The following MSH6 variants were observed in gnomAD, a reference collection of about 807,000 sequenced individuals.
MSH6 encodes the protein DNA mismatch repair protein Msh6.
A neutral mutation model predicts 119.1 loss-of-function variants in MSH6; 85 were observed. The ratio of observed to expected loss-of-function variants is 0.71; its 90% CI spans 0.60 to 0.85. The LOEUF is 0.85. Ranked by LOEUF, MSH6 falls within the 40% of genes least tolerant of loss-of-function variation. MSH6 has a pLI of 0.00. For missense variants in MSH6, 2,163 were observed against 1,655.3 expected, an observed-to-expected ratio of 1.31 and a Z score of -5.32; for synonymous variants, 830 against 586.9, an observed-to-expected ratio of 1.41 and a Z score of -5.99.
At chr2:47,807,973 A>C (rs1424308687), downstream of MSH6, 2 of 716,986 alleles carry the variant, frequency 2.8e-6, no homozygotes, top group Non-Finnish European at 4.6e-6. Context: ...TGGTAGCTTG[A>C]GCTTCATAGT....
At chr2:47,786,482 C>T (rs2103993011) in intron 1 of MSH6, among the ~76,000 whole-genome samples, 1 of 150,202 alleles carries the variant, frequency 6.7e-6, no homozygotes, top group Middle Eastern at 3.4e-3. Flanking sequence ...TTACAGGTGC[C>T]TGCCACCACG....
At chr2:47,804,807 G>GT in intron 5 of MSH6, 103 bp from the exon 6 acceptor site, 4 of 863,344 alleles carry the variant, frequency 4.6e-6, no homozygotes, top group East Asian at 2.4e-5. Context: ...TGTGAAAGTT[G>GT]TTTTAGAGTG....
Position 47,785,960 on chromosome 2 carries a change from A to G in MSH6, c.260+2467A>G, listed in dbSNP as rs3136247. On this transcript the variant is annotated intron_variant, in intron 1 of 9. Coordinates refer to ENST00000234420, the MANE Select transcript of MSH6 (RefSeq NM_000179.3). ...GATGGGCATTTGATACTAGGTTTCT[A>G]AAGAAACTGCAGTGTCTAGATCACT... Among the ~76,000 whole-genome samples the G allele has an allele frequency of 0.14, 21,802 of 152,228 alleles. 1,772 individuals are homozygous for G. The highest frequency in any genetic ancestry group is 0.19 in the Non-Finnish European group (12,614 of 67,994).
Position 47,800,401 on chromosome 2 carries a change from C to T in MSH6, c.2418C>T (p.Ser806=), listed in dbSNP as rs770992427. 2.2e-5 allele frequency: 36 copies of T among 1,613,826 alleles called. 1 individual carries two copies. Among genetic ancestry groups the T allele is most frequent in the African/African-American group, 6.7e-5 (5 of 74,864 alleles). ...EDLMVVPDKI[S]EVVELLKKLP... is the part of the protein sequence containing the mutation. ...TCATGGTTGTGCCTGACAAAATCTCCGAAGTTGTAGAGCTTCTAAAGAAGC... is the reference window on the plus strand; with the variant it reads ...TCATGGTTGTGCCTGACAAAATCTCTGAAGTTGTAGAGCTTCTAAAGAAGC... The change falls in exon 4 of 10, where the codon TCC becomes TCT. Residue 806 remains serine (S), a synonymous_variant. Transcript: ENST00000234420.
chr2:47,806,384 A>C, intron 8 of MSH6, 26 bp downstream of exon 8: 2 of 1,613,476 alleles, frequency 1.2e-6, no homozygotes. Flanking sequence ...TTTTTTCCAC[A>C]AATTCGGTTT....
At chr2:47,805,887 T>C (rs1429020220) in intron 7 of MSH6, among the ~76,000 whole-genome samples, 180 bp downstream of exon 7, 2 of 152,246 alleles carry the variant, frequency 1.3e-5, no homozygotes, top group East Asian at 1.9e-4. Flanking sequence ...TGAAAGGTTT[T>C]TGATTACCCA....
chr2:47,798,033 C>A (rs3136331), intron 3 of MSH6: 1 of 213,358 alleles, frequency 4.7e-6, no homozygotes, highest in East Asian at 1.1e-4. Flanking sequence ...AATCCTTGCC[C>A]TTCTTGTATT....
Position 47,799,300 on chromosome 2 carries a change from T to A in MSH6, c.1317T>A (p.Asp439Glu), listed in dbSNP as rs1572722539. 1 of 1,613,996 alleles carries A rather than the reference T, an allele frequency of 6.2e-7. No individual in the cohort carries two copies. Among genetic ancestry groups the A allele is most frequent in the Non-Finnish European group, 8.5e-7 (1 of 1,180,034 alleles). ...VGKFYELYHM[D>E]ALIGVSELGL... ...AATTTTATGAGCTGTACCACATGGA[T>A]GCTCTTATTGGAGTCAGTGAACTGG... Residue 439 changes from aspartate to glutamate, a missense_variant, in exon 4 of 10, where the codon GAT becomes GAA. Asp to Glu is a conservative substitution (Grantham distance 45, BLOSUM62 2). Coordinates refer to ENST00000234420, the MANE Select transcript of MSH6 (RefSeq NM_000179.3).
At chr2:47,794,869 A>G (rs1668974822) in intron 2 of MSH6, among the ~76,000 whole-genome samples, 1 of 152,138 alleles carries the variant, frequency 6.6e-6, no homozygotes, top group East Asian at 1.9e-4. Context: ...ATCTTGGCTC[A>G]CTGCAACCTC....
chr2:47,799,433 G>C lies in MSH6; in HGVS notation c.1450G>C (p.Glu484Gln), dbSNP rs587782706. 4 of 1,614,084 alleles carry C rather than the reference G, an allele frequency of 2.5e-6. No individual in the cohort carries two copies. The highest frequency in any genetic ancestry group is 3.4e-6 in the Non-Finnish European group (4 of 1,180,022). Reference protein sequence around the residue: ...VQKGYKVARVEQTETPEMMEA... With the variant: ...VQKGYKVARVQQTETPEMMEA... ...GAAGGGCTATAAAGTAGCACGAGTG[G>C]AACAGACTGAGACTCCAGAAATGAT... Residue 484 changes from glutamate (E) to glutamine (Q), a missense_variant, in exon 4 of 10, where the codon GAA (glutamate) becomes CAA (glutamine). Coordinates refer to ENST00000234420, the MANE Select transcript of MSH6 (RefSeq NM_000179.3).
rs1553333156 is a variant in MSH6 at position 47,806,346 on chromosome 2, C to T, written c.3789C>T (p.Arg1263=). 1.9e-6 allele frequency: 3 copies of T among 1,614,040 alleles called. No homozygotes were observed. The highest frequency in any genetic ancestry group is 2.5e-6 in the Non-Finnish European group (3 of 1,179,994). ...VEDYSQNVAV[R]LGHMACMVEN... ...ATTATTCTCAAAATGTTGCTGTGCGCCTAGGACATATGGTATGTGCAAATT... is the reference window on the plus strand; with the variant it reads ...ATTATTCTCAAAATGTTGCTGTGCGTCTAGGACATATGGTATGTGCAAATT... The change falls in exon 8 of 10, where the codon CGC becomes CGT. Residue 1263 remains arginine (R), a synonymous_variant. Coordinates refer to ENST00000234420, the MANE Select transcript of MSH6 (RefSeq NM_000179.3).
At chr2:47,807,182 T>C (rs573943201), downstream of MSH6, 7 of 274,632 alleles carry the variant, frequency 2.5e-5, no homozygotes, top group South Asian at 9.5e-5. Context: ...ATGCAGGAAA[T>C]TGGTTTAATT....
At chr2:47,796,591 C>A (rs1447278319) in intron 3 of MSH6, among the ~76,000 whole-genome samples, 3 of 152,140 alleles carry the variant, frequency 2.0e-5, no homozygotes, top group Non-Finnish European at 4.4e-5. Flanking sequence ...ATTTTGCATT[C>A]ATAAGAATAG....
At position 47,800,131 on chromosome 2, in the gene MSH6, A is replaced by C; in HGVS notation, c.2148A>C (p.Thr716=). The C allele has an allele frequency of 1.2e-6, 2 of 1,614,196 alleles. No individual in the cohort carries two copies. The highest frequency in any genetic ancestry group is 8.5e-7 in the Non-Finnish European group (1 of 1,180,008). Residue 716 remains threonine (T), a synonymous_variant, in exon 4 of 10, where the codon ACA becomes ACC. Transcript: ENST00000234420. The stretch of plus-strand genomic sequence containing the variant: ...AATATATTCCCTTGGATTCTGACAC[A>C]GTCAGCACTACAAGATCTGGTGCTA... ...FEEYIPLDSD[T]VSTTRSGAIF...
intron 1 of MSH6, among the ~76,000 whole-genome samples, chr2:47,790,358 G>A (rs1357741671): frequency 6.6e-6 from 1 of 152,164 alleles, no homozygotes; most frequent in Non-Finnish European, 1.5e-5. Flanking sequence ...GGGGAGGCAC[G>A]TTACGCCCTC....
At chr2:47,809,933 A>G (rs1406317493), downstream of MSH6, 8 of 527,254 alleles carry the variant, frequency 1.5e-5, no homozygotes, top group Admixed American at 3.6e-5. Context: ...TAACTGTCTT[A>G]AAGTTTAAAT....
intron 1 of MSH6, chr2:47,783,820 C>T: frequency 4.3e-6 from 2 of 462,966 alleles, no homozygotes; most frequent in Non-Finnish European, 5.1e-6. Context: ...CGCGCAGCTC[C>T]GGGTGGGGAG....
intron 1 of MSH6, chr2:47,784,154 T>C: frequency 1.0e-6 from 1 of 987,466 alleles, no homozygotes. Flanking sequence ...CGCGGGGGGG[T>C]GTGTCACCAT....
intron 3 of MSH6, 38 bp downstream of exon 3, chr2:47,796,101 G>C (rs915366821): frequency 1.9e-6 from 3 of 1,607,722 alleles, no homozygotes; most frequent in Non-Finnish European, 2.6e-6. Flanking sequence ...ATTTATGTTA[G>C]GGTGATGGGG....
Sources: gnomAD v4.1 joint callset for allele counts (sites outside exome capture counted in the v4.1 genomes callset) on GRCh38, gnomAD v4.1.1 for gene constraint, MANE v1.5 for transcripts, NCBI Gene and HGNC (gene_info 2026-07-23, HGNC 2026-07-21) for gene names.